The following ARFGEF1 variants were observed in gnomAD, a reference collection of about 807,000 sequenced individuals.
The protein encoded by ARFGEF1 is ARF guanine nucleotide exchange factor 1.
In ARFGEF1, 42 loss-of-function variants were observed where a neutral mutation model predicts 231.0. That is an observed-to-expected ratio of 0.18 (90% CI 0.14 to 0.24). ARFGEF1 has a LOEUF of 0.24. Among genes scored for constraint, ARFGEF1 ranks in the 10% least tolerant of loss-of-function variants. The pLI is 1.00. For missense variants in ARFGEF1, 1,345 were observed against 2,192.0 expected (o/e 0.61, Z 7.72); for synonymous variants, 710 against 732.3 (o/e 0.97, Z 0.49).
intron 33 of ARFGEF1, among the ~76,000 whole-genome samples, chr8:67,215,668 G>A (rs562869190): frequency 1.4e-3 from 208 of 152,276 alleles, no homozygotes; most frequent in Non-Finnish European, 1.7e-3. Flanking sequence ...GTCAACAGCC[G>A]CCAGAAGCTG....
At chr8:67,306,064 A>G (rs984418004) in intron 1 of ARFGEF1, among the ~76,000 whole-genome samples, 1 of 152,152 alleles carries the variant, frequency 6.6e-6, no homozygotes, top group African/African-American at 2.4e-5. Flanking sequence ...TTTTTTCTTA[A>G]GTTGAGAACT....
At chr8:67,211,666 G>T (rs369791198) in intron 33 of ARFGEF1, 51 bp from the exon 34 acceptor site, 6 of 1,163,684 alleles carry the variant, frequency 5.2e-6, no homozygotes, top group Non-Finnish European at 5.7e-6. Flanking sequence ...AAGTTTATGG[G>T]TGAAAATATT....
intron 23 of ARFGEF1, 77 bp from the exon 24 acceptor site, chr8:67,228,341 G>A: frequency 7.4e-7 from 1 of 1,355,926 alleles, no homozygotes; most frequent in East Asian, 2.3e-5. Flanking sequence ...GTGGCATGGG[G>A]TACTAGCTAT....
intron 22 of ARFGEF1, among the ~76,000 whole-genome samples, chr8:67,235,369 C>T (rs1024320177): frequency 1.3e-5 from 2 of 151,786 alleles, no homozygotes; most frequent in Non-Finnish European, 2.9e-5. Flanking sequence ...TCAACCTAGA[C>T]CTAGAAGGAT....
At position 67,296,418 on chromosome 8, in the gene ARFGEF1, T is replaced by C. The variant is rs923379643; in HGVS notation, c.639+13A>G. ...TGTGTTCTATACAACCTCTCTCTTC[T>C]TAAAATACTTACTGCTTGGTTTTCC... On this transcript the variant is annotated intron_variant, in intron 5 of 38. Coordinates refer to ENST00000262215, the MANE Select transcript of ARFGEF1 (RefSeq NM_006421.5). 3.1e-6 allele frequency: 5 copies of C among 1,612,980 alleles called. No individual in the cohort carries two copies. The highest frequency in any genetic ancestry group is 3.3e-5 in the Admixed American group (2 of 59,950).
intron 23 of ARFGEF1, among the ~76,000 whole-genome samples, chr8:67,230,310 A>C (rs1839513115): frequency 6.6e-6 from 1 of 152,144 alleles, no homozygotes; most frequent in Non-Finnish European, 1.5e-5. Context: ...TGTGAATATT[A>C]AAAATCATGT....
chr8:67,285,067 G>T (rs899799243), intron 7 of ARFGEF1, among the ~76,000 whole-genome samples: 4 of 106,034 alleles, frequency 3.8e-5, no homozygotes, highest in African/African-American at 1.5e-4. Flanking sequence ...AATAATAAAA[G>T]AATTCATTAA....
intron 5 of ARFGEF1, among the ~76,000 whole-genome samples, chr8:67,187,735 GAGGACCAAAGGCAGTACTGACAA>G (rs1247704690): frequency 7.9e-5 from 12 of 152,278 alleles, no homozygotes; most frequent in Admixed American, 4.6e-4. Flanking sequence ...ATCTCTGACA[GAGGACCAAAGGCAGTACTGACAA>G]AGGACCAAAG....
intron 5 of ARFGEF1, among the ~76,000 whole-genome samples, chr8:67,189,409 C>A (rs1279841329): frequency 1.3e-5 from 2 of 152,080 alleles, no homozygotes; most frequent in East Asian, 1.9e-4. Flanking sequence ...TACATCCAGA[C>A]AATGCAATAT....
At chr8:67,257,268 A>G (rs1056632143) in intron 17 of ARFGEF1, among the ~76,000 whole-genome samples, 1 of 152,058 alleles carries the variant, frequency 6.6e-6, no homozygotes, top group African/African-American at 2.4e-5. Context: ...TTTTGTAGAG[A>G]CAGGGTTTCA....
intron 29 of ARFGEF1, among the ~76,000 whole-genome samples, chr8:67,222,202 T>TAC (rs1296784585): frequency 2.2e-4 from 30 of 134,330 alleles, no homozygotes; most frequent in Admixed American, 7.4e-5. Flanking sequence ...TATATATATA[T>TAC]ATACACACAC....
intron 23 of ARFGEF1, among the ~76,000 whole-genome samples, chr8:67,231,382 T>C (rs1397239941): frequency 6.6e-6 from 1 of 152,110 alleles, no homozygotes. Flanking sequence ...GACAAGATTG[T>C]GATGACACAG....
At position 67,227,989 on chromosome 8, in the gene ARFGEF1, C is replaced by T; in HGVS notation, c.3565G>A (p.Glu1189Lys). 6.3e-7 allele frequency: 1 copy of T among 1,581,904 alleles called. No homozygotes were observed. The highest frequency in any genetic ancestry group is 8.5e-7 in the Non-Finnish European group (1 of 1,171,610). ...RIRLQWSRIW[E>K]VIGDHFNKVG... is the part of the protein sequence containing the mutation. Reference sequence around the variant, plus strand: ...TTATTAAAATGATCTCCAATAACTTCCCAAATTCGAGACCACTGTAATCTT... The same window carrying T: ...TTATTAAAATGATCTCCAATAACTTTCCAAATTCGAGACCACTGTAATCTT... The change falls in exon 25 of 39, where the codon GAA becomes AAA. Residue 1189 changes from glutamate (E) to lysine (K), a missense_variant. Physicochemically the swap from Glu to Lys is moderately conservative, Grantham distance 56 (BLOSUM62 1). This residue lies in a region of ARFGEF1 where 146 missense variants were observed against 321.4 expected (regional missense o/e 0.45). Coordinates refer to ENST00000262215, the MANE Select transcript of ARFGEF1 (RefSeq NM_006421.5).
chr8:67,317,980 G>C (rs1258936916), intron 1 of ARFGEF1, among the ~76,000 whole-genome samples: 1 of 151,664 alleles, frequency 6.6e-6, no homozygotes, highest in South Asian at 2.1e-4. Context: ...GCTCACACCT[G>C]TAATTCCAGC....
At chr8:67,195,899 A>AT (rs1837846214), downstream of ARFGEF1, 7 of 259,500 alleles carry the variant, frequency 2.7e-5, no homozygotes, top group South Asian at 4.1e-4. Flanking sequence ...GATAAGGTGA[A>AT]TAAGTGTCTT....
downstream of ARFGEF1, among the ~76,000 whole-genome samples, chr8:67,193,843 T>C (rs1837113638): frequency 2.0e-5 from 3 of 152,340 alleles, no homozygotes; most frequent in African/African-American, 7.2e-5. Flanking sequence ...TAAAATAGTT[T>C]TTGCTTATTA....
intron 22 of ARFGEF1, among the ~76,000 whole-genome samples, chr8:67,234,716 T>C (rs896036999): frequency 6.6e-6 from 1 of 152,158 alleles, no homozygotes; most frequent in East Asian, 1.9e-4. Flanking sequence ...TTAGGTCTTT[T>C]AGAAGATTGA....
In ARFGEF1 at chr8:67,277,315, A is replaced by G. The variant is rs903893209; in HGVS notation, c.1170T>C (p.Asp390=). ...CATTGGAAGAGACTGACAATCTATC[A>G]TCAGGTAAGGATGGTGTATATGCAA... ...ISVAYTPSLP[D]DRLSVSSNDT... The change falls in exon 8 of 39, where the codon GAT becomes GAC. Residue 390 remains aspartate, a synonymous_variant. Coordinates refer to ENST00000262215, the MANE Select transcript of ARFGEF1 (RefSeq NM_006421.5). 1.2e-6 allele frequency: 2 copies of G among 1,613,442 alleles called. No homozygotes were observed. The highest frequency in any genetic ancestry group is 8.5e-7 in the Non-Finnish European group (1 of 1,179,746).
At chr8:67,206,348 T>C (rs909693820) in intron 34 of ARFGEF1, among the ~76,000 whole-genome samples, 1 of 149,650 alleles carries the variant, frequency 6.7e-6, no homozygotes, top group Non-Finnish European at 1.5e-5. Context: ...AGGCGGAGGT[T>C]GCAGTGAGCT....
Sources: gnomAD v4.1 joint callset for allele counts (sites outside exome capture counted in the v4.1 genomes callset) on GRCh38, gnomAD v4.1.1 for gene constraint, gnomAD v4.1.1 regional missense constraint, MANE v1.5 for transcripts, NCBI Gene and HGNC (gene_info 2026-07-23, HGNC 2026-07-21) for gene names.